Variants in SH3GL1 observed in about 807,000 individuals in gnomAD.
The protein encoded by SH3GL1 is endophilin-A2.
A neutral mutation model predicts 48.8 loss-of-function variants in SH3GL1; 21 were observed. The ratio of observed to expected loss-of-function variants is 0.43; its 90% CI spans 0.30 to 0.62. SH3GL1 has a LOEUF of 0.62. Among genes scored for constraint, SH3GL1 ranks in the 20% least tolerant of loss-of-function variants. SH3GL1 has a pLI of 0.11. For synonymous variants in SH3GL1, 282 were observed against 217.5 expected (o/e 1.30, Z -2.61); for missense variants, 454 against 503.0 (o/e 0.90, Z 0.93).
intron 1 of SH3GL1, among the ~76,000 whole-genome samples, chr19:4,371,067 C>A (rs1389790848): frequency 1.3e-5 from 2 of 152,262 alleles, no homozygotes; most frequent in Admixed American, 1.3e-4. Flanking sequence ...GGGAAACGAG[C>A]AAGCTGGACA....
intron 1 of SH3GL1, among the ~76,000 whole-genome samples, chr19:4,397,965 G>T (rs1973454183): frequency 6.6e-6 from 1 of 152,076 alleles, no homozygotes; most frequent in African/African-American, 2.4e-5. Context: ...TCCTGCCTCA[G>T]CCTCCCAAGT....
intron 1 of SH3GL1, among the ~76,000 whole-genome samples, chr19:4,381,763 G>C (rs978437368): frequency 7.3e-6 from 1 of 136,480 alleles, no homozygotes; most frequent in Non-Finnish European, 1.5e-5. Context: ...CGCGATCTTG[G>C]CTCACTGCAA....
Position 4,398,121 on chromosome 19 carries a change from A to C in SH3GL1, c.45+2203T>G, listed in dbSNP as rs139958713. Reference sequence around the variant, plus strand: ...TCAGCCTTCAAAGTGCTGGGATTACAGGCATGAGCCACAGCACCTGGCAGG... The same window carrying C: ...TCAGCCTTCAAAGTGCTGGGATTACCGGCATGAGCCACAGCACCTGGCAGG... On this transcript the variant is annotated intron_variant, in intron 1 of 9. Transcript: ENST00000269886. 4.1e-3 allele frequency among the ~76,000 whole-genome samples: 620 copies of C among 152,252 alleles called. 1 individual carries two copies. The highest frequency in any genetic ancestry group is 6.5e-3 in the Non-Finnish European group (441 of 68,004).
intron 1 of SH3GL1, among the ~76,000 whole-genome samples, chr19:4,381,345 CCTCT>C (rs369591412): frequency 7.9e-6 from 1 of 126,334 alleles, no homozygotes; most frequent in African/African-American, 3.1e-5. Context: ...GTCCCCTCTG[CCTCT>C]CTCTGTCCCC....
At chr19:4,388,587 C>T (rs1395135691) in intron 1 of SH3GL1, among the ~76,000 whole-genome samples, 1 of 152,194 alleles carries the variant, frequency 6.6e-6, no homozygotes, top group Non-Finnish European at 1.5e-5. Flanking sequence ...CAGGCCCAGC[C>T]ATGGCAAAAG....
intron 1 of SH3GL1, among the ~76,000 whole-genome samples, chr19:4,386,768 T>C (rs529532102): frequency 1.3e-5 from 2 of 151,902 alleles, no homozygotes; most frequent in Admixed American, 1.3e-4. Context: ...GTGTGCAGGA[T>C]CCCCCGATCC....
At chr19:4,375,203 G>A (rs946313162) in intron 1 of SH3GL1, among the ~76,000 whole-genome samples, 2 of 152,054 alleles carry the variant, frequency 1.3e-5, no homozygotes, top group African/African-American at 4.8e-5. Flanking sequence ...ACCCCGAGAG[G>A]AGTGGACAGA....
At position 4,361,661 on chromosome 19, in the gene SH3GL1, T is replaced by C; in HGVS notation, c.1046A>G (p.Asp349Gly). The C allele has an allele frequency of 6.2e-7, 1 of 1,611,966 alleles. No homozygotes were observed. The highest frequency in any genetic ancestry group is 8.5e-7 in the Non-Finnish European group (1 of 1,179,704). Residue 349 changes from aspartate (D) to glycine (G), a missense_variant, in exon 10 of 10, where the codon GAC becomes GGC. Around this residue, in one of 2 missense-constraint regions of SH3GL1, gnomAD observed 278 missense variants for 246.8 expected, o/e 1.13. Coordinates refer to ENST00000269886, the MANE Select transcript of SH3GL1 (RefSeq NM_003025.4). ...GAGCGGGAAGAAGCCCGACTGGCCG[T>C]CCAGCATGCCCTCGTACCAGTTCTC... ...IDENWYEGML[D>G]GQSGFFPLSY...
intron 1 of SH3GL1, among the ~76,000 whole-genome samples, chr19:4,379,827 A>G (rs1973084968): frequency 6.6e-6 from 1 of 152,166 alleles, no homozygotes; most frequent in Admixed American, 6.5e-5. Flanking sequence ...CCTTGTGCTT[A>G]CTTGTATTTT....
intron 1 of SH3GL1, among the ~76,000 whole-genome samples, chr19:4,380,997 A>T (rs752846096): frequency 6.6e-5 from 10 of 152,042 alleles, no homozygotes; most frequent in African/African-American, 9.7e-5. Context: ...ATGAGAGCTA[A>T]CAGAGGAAAA....
At chr19:4,393,494 A>G (rs1285209688) in intron 1 of SH3GL1, among the ~76,000 whole-genome samples, 4 of 152,034 alleles carry the variant, frequency 2.6e-5, no homozygotes, top group African/African-American at 9.7e-5. Context: ...AAAAAAATTA[A>G]AAAATAAATA....
At chr19:4,368,649 T>C (rs566739381) in intron 1 of SH3GL1, among the ~76,000 whole-genome samples, 99 of 152,328 alleles carry the variant, frequency 6.5e-4, no homozygotes, top group Middle Eastern at 3.4e-3. Flanking sequence ...TCTGTCCACC[T>C]GCCTTCATGT....
At chr19:4,363,939 CT>C in intron 5 of SH3GL1, 61 bp from the exon 6 acceptor site, 1 of 1,609,020 alleles carries the variant, frequency 6.2e-7, no homozygotes, top group Non-Finnish European at 8.5e-7. Flanking sequence ...CCACGCATGG[CT>C]TTGACCCACT....
At chr19:4,381,406 CCT>C (rs1458092113) in intron 1 of SH3GL1, among the ~76,000 whole-genome samples, 8 of 113,994 alleles carry the variant, frequency 7.0e-5, no homozygotes, top group Non-Finnish European at 1.1e-4. Flanking sequence ...TGTCCCCCTA[CCT>C]CTGTCTCCCC....
intron 1 of SH3GL1, among the ~76,000 whole-genome samples, chr19:4,371,793 G>GGTGGTGCT (rs1029507897): frequency 7.9e-5 from 12 of 152,166 alleles, no homozygotes; most frequent in Non-Finnish European, 4.4e-5. Flanking sequence ...CGTCGGCATC[G>GGTGGTGCT]GTGGTGCTGT....
intron 1 of SH3GL1, among the ~76,000 whole-genome samples, chr19:4,399,999 G>T (rs1287957590): frequency 6.6e-6 from 1 of 152,088 alleles, no homozygotes; most frequent in Non-Finnish European, 1.5e-5. Flanking sequence ...CGACAGCCTC[G>T]GGACTCCTCT....
intron 1 of SH3GL1, among the ~76,000 whole-genome samples, chr19:4,398,928 CAG>C (rs1318819317): frequency 6.6e-6 from 1 of 152,090 alleles, no homozygotes; most frequent in African/African-American, 2.4e-5. Flanking sequence ...GTAATGGTAA[CAG>C]AAAATTCCGG....
rs2144869676 is a variant in SH3GL1 at position 4,367,225 on chromosome 19, G to C, written c.46-231C>G. On this transcript the variant is annotated intron_variant, in intron 1 of 9. Transcript: ENST00000269886. This position sits in a 1 kb window ranked among gnomAD's most constrained non-coding sequence, Gnocchi z 4.2. ...GAGGGTGGGGGTGGCCTGCCCACCTGTGTGTGTCCCGACTGCCACTCACAT... is the reference window on the plus strand; with the variant it reads ...GAGGGTGGGGGTGGCCTGCCCACCTCTGTGTGTCCCGACTGCCACTCACAT... 6.6e-6 allele frequency among the ~76,000 whole-genome samples: 1 copy of C among 152,286 alleles called. No individual in the cohort carries two copies. Among genetic ancestry groups the C allele is most frequent in the South Asian group, 2.1e-4 (1 of 4,832 alleles).
At chr19:4,385,296 G>C (rs562626220) in intron 1 of SH3GL1, among the ~76,000 whole-genome samples, 5 of 152,158 alleles carry the variant, frequency 3.3e-5, no homozygotes, top group Non-Finnish European at 7.3e-5. Context: ...ATTCTTAGCT[G>C]CCTTTCTGGA....
Sources: allele counts gnomAD v4.1 joint callset (sites outside exome capture counted in the v4.1 genomes callset), GRCh38; gene constraint gnomAD v4.1.1; regional missense constraint gnomAD v4.1.1; non-coding constraint Gnocchi (gnomAD v3.1); transcripts MANE v1.5; gene names NCBI Gene and HGNC (gene_info 2026-07-23, HGNC 2026-07-21).